The following TNS3 variants were observed in gnomAD, a reference collection of about 807,000 sequenced individuals.
TNS3 encodes tensin 3.
A neutral mutation model predicts 140.9 loss-of-function variants in TNS3; 45 were observed. The ratio of observed to expected loss-of-function variants is 0.32; its 90% CI spans 0.25 to 0.41. The LOEUF (loss-of-function observed/expected upper bound fraction) is 0.41, where lower values mean the gene tolerates loss of function less well. TNS3 is among the 10% of genes least tolerant of loss of function. TNS3 has a pLI of 1.00. For synonymous variants in TNS3, 815 were observed against 788.4 expected, an observed-to-expected ratio of 1.03 and a Z score of -0.56; for missense variants, 1,716 against 1,906.7, an observed-to-expected ratio of 0.90 and a Z score of 1.86.
chr7:47,366,633 G>C (rs750069736), intron 17 of TNS3, among the ~76,000 whole-genome samples: 1 of 151,834 alleles, frequency 6.6e-6, no homozygotes, highest in Non-Finnish European at 1.5e-5. Context: ...GACCTGAGTC[G>C]GGACTGCAGT....
chr7:47,404,541 G>C (rs895888462), intron 13 of TNS3, among the ~76,000 whole-genome samples: 2 of 152,136 alleles, frequency 1.3e-5, no homozygotes, highest in East Asian at 3.8e-4. Context: ...AGTCTGATGA[G>C]GCAATTCAGA....
chr7:47,569,501 G>A (rs542055309), intron 1 of TNS3, among the ~76,000 whole-genome samples: 2 of 151,802 alleles, frequency 1.3e-5, no homozygotes, highest in Admixed American at 6.6e-5. Context: ...CCAAGATGGC[G>A]CCACTGCACT....
chr7:47,377,362 C>G (rs368839510), intron 16 of TNS3, among the ~76,000 whole-genome samples: 1 of 152,060 alleles, frequency 6.6e-6, no homozygotes, highest in Non-Finnish European at 1.5e-5. Context: ...TCAAAGGGCT[C>G]GACTGTACGA....
At chr7:47,339,956 CATAT>C (rs35991026) in intron 20 of TNS3, among the ~76,000 whole-genome samples, 5,440 of 136,400 alleles carry the variant, frequency 0.04, 268 homozygotes, top group African/African-American at 0.11. Flanking sequence ...TTATAAGTGG[CATAT>C]ATATATATAT....
intron 15 of TNS3, among the ~76,000 whole-genome samples, chr7:47,398,270 A>G (rs538753432): frequency 1.3e-5 from 2 of 152,304 alleles, no homozygotes; most frequent in East Asian, 1.9e-4. Context: ...GAACAATTCC[A>G]AAAGACTGAG....
At chr7:47,447,527 C>T (rs1376554814) in intron 4 of TNS3, among the ~76,000 whole-genome samples, 1 of 152,134 alleles carries the variant, frequency 6.6e-6, no homozygotes, top group African/African-American at 2.4e-5. Context: ...CCTCATCTCC[C>T]TCCTCTTTCC....
chr7:47,495,347 G>T (rs1797968933), intron 3 of TNS3, among the ~76,000 whole-genome samples: 1 of 152,196 alleles, frequency 6.6e-6, no homozygotes, highest in South Asian at 2.1e-4. Flanking sequence ...CTGTCCTGTG[G>T]TCTAGGGGGC....
intron 3 of TNS3, among the ~76,000 whole-genome samples, chr7:47,495,262 T>C (rs776383242): frequency 6.6e-6 from 1 of 150,520 alleles, no homozygotes; most frequent in African/African-American, 2.5e-5. Flanking sequence ...ATGAGAGGCA[T>C]GAAGGCGCAT....
intron 1 of TNS3, among the ~76,000 whole-genome samples, chr7:47,556,384 G>C (rs533492097): frequency 6.6e-6 from 1 of 152,302 alleles, no homozygotes; most frequent in African/African-American, 2.4e-5. Flanking sequence ...GACCCCCTGA[G>C]CAGGGGTCTC....
chr7:47,433,182 A>C (rs1390465427), intron 8 of TNS3, among the ~76,000 whole-genome samples: 1 of 152,208 alleles, frequency 6.6e-6, no homozygotes, highest in Non-Finnish European at 1.5e-5. Context: ...TACGCTAGAA[A>C]TTCCTGGCAT....
intron 1 of TNS3, among the ~76,000 whole-genome samples, chr7:47,538,193 TC>T (rs1350924936): frequency 1.3e-5 from 2 of 152,036 alleles, no homozygotes; most frequent in Non-Finnish European, 2.9e-5. Flanking sequence ...CACAGGCAGA[TC>T]CCTCCTTTCA....
chr7:47,509,759 C>T (rs980740525), intron 2 of TNS3, among the ~76,000 whole-genome samples: 1 of 152,130 alleles, frequency 6.6e-6, no homozygotes, highest in Non-Finnish European at 1.5e-5. Flanking sequence ...TCCTCATTCA[C>T]GCCATCCTGC....
At chr7:47,318,066 T>C (rs1198873946) in intron 20 of TNS3, among the ~76,000 whole-genome samples, 2 of 152,074 alleles carry the variant, frequency 1.3e-5, no homozygotes, top group Non-Finnish European at 2.9e-5. Context: ...TACAAAACTA[T>C]AACTCTTTCC....
In TNS3 at chr7:47,439,655, G is replaced by T. The variant is rs540327653; in HGVS notation, c.-19C>A. ...CCTCCATGGTGGGACTCAGGATGACGGGCCTGCGAGAGAGCAGTGGGCAGA... is the reference window on the plus strand; with the variant it reads ...CCTCCATGGTGGGACTCAGGATGACTGGCCTGCGAGAGAGCAGTGGGCAGA... On this transcript the variant is annotated 5_prime_UTR_variant, in exon 6 of 31. Transcript: ENST00000311160. 1.2e-5 allele frequency: 20 copies of T among 1,613,694 alleles called. No homozygotes were observed. In the South Asian group the frequency reaches 2.1e-4, roughly 17 times the overall value.
chr7:47,474,294 A>AAC (rs1301181279), intron 4 of TNS3, among the ~76,000 whole-genome samples: 2 of 111,802 alleles, frequency 1.8e-5, no homozygotes, highest in Non-Finnish European at 3.5e-5. Flanking sequence ...CACACACATA[A>AAC]ACACACACAG....
At chr7:47,326,717 A>G (rs923055634) in intron 20 of TNS3, among the ~76,000 whole-genome samples, 3 of 152,154 alleles carry the variant, frequency 2.0e-5, no homozygotes, top group African/African-American at 4.8e-5. Context: ...TCTCTAATAC[A>G]CTGACACGCA....
chr7:47,432,664 CT>C (rs1195353942), intron 8 of TNS3, among the ~76,000 whole-genome samples: 1 of 152,200 alleles, frequency 6.6e-6, no homozygotes, highest in Non-Finnish European at 1.5e-5. Context: ...GCTGCAAGGT[CT>C]TGTTTCAACC....
intron 20 of TNS3, among the ~76,000 whole-genome samples, chr7:47,323,731 C>T (rs967445377): frequency 1.3e-5 from 2 of 152,190 alleles, no homozygotes; most frequent in South Asian, 4.2e-4. Context: ...TTCTATGCTA[C>T]GCTCCAAGTG....
chr7:47,553,907 C>A (rs940125469), intron 1 of TNS3, among the ~76,000 whole-genome samples: 1 of 151,916 alleles, frequency 6.6e-6, no homozygotes, highest in Non-Finnish European at 1.5e-5. Flanking sequence ...GAGGTTCAAG[C>A]GATTTTCCTG....
Sources: gnomAD v4.1 joint callset for allele counts (sites outside exome capture counted in the v4.1 genomes callset) on GRCh38, gnomAD v4.1.1 for gene constraint, MANE v1.5 for transcripts, NCBI Gene and HGNC (gene_info 2026-07-23, HGNC 2026-07-21) for gene names.